MACROD2: variants seen among roughly 807,000 people sequenced by gnomAD.
The protein encoded by MACROD2 is ADP-ribose glycohydrolase MACROD2.
Under a neutral mutation model 70.4 loss-of-function variants are expected in MACROD2, and 36 were observed. That is an observed-to-expected ratio of 0.51 (90% CI 0.39 to 0.68). MACROD2 has a LOEUF of 0.68. Ranked by LOEUF, MACROD2 falls within the 30% of genes least tolerant of loss-of-function variation. The pLI is 0.00. For missense variants in MACROD2, 496 were observed against 538.4 expected (o/e 0.92, Z 0.78); for synonymous variants, 172 against 178.8 (o/e 0.96, Z 0.30).
At chr20:15,403,229 A>T (rs1400056382) in intron 6 of MACROD2, among the ~76,000 whole-genome samples, 1 of 152,150 alleles carries the variant, frequency 6.6e-6, no homozygotes, top group Non-Finnish European at 1.5e-5. Flanking sequence ...CAGCCTCCCA[A>T]AGTGCTGGGA....
At chr20:14,541,605 C>CACAA (rs2085433849) in intron 4 of MACROD2, among the ~76,000 whole-genome samples, 1 of 151,908 alleles carries the variant, frequency 6.6e-6, no homozygotes, top group South Asian at 2.1e-4. Context: ...ACATCACACA[C>CACAA]ACACACACAC....
intron 6 of MACROD2, among the ~76,000 whole-genome samples, chr20:15,426,880 G>T (rs751957595): frequency 1.7e-4 from 26 of 152,116 alleles, no homozygotes; most frequent in Non-Finnish European, 3.4e-4. Context: ...TTGAAATAAA[G>T]AAATCTCATG....
At chr20:15,845,158 C>A (rs73099246) in intron 8 of MACROD2, among the ~76,000 whole-genome samples, 1 of 151,886 alleles carries the variant, frequency 6.6e-6, no homozygotes, top group African/African-American at 2.4e-5. Flanking sequence ...GGAATAGAAC[C>A]TTTGCAGATA....
intron 4 of MACROD2, among the ~76,000 whole-genome samples, chr20:14,540,246 A>G (rs968449019): frequency 1.3e-5 from 2 of 152,080 alleles, no homozygotes; most frequent in Non-Finnish European, 2.9e-5. Flanking sequence ...CATGTCTGTG[A>G]CCTCAGTTAC....
chr20:14,258,986 AG>A (rs1257529097), intron 3 of MACROD2, among the ~76,000 whole-genome samples: 2 of 152,188 alleles, frequency 1.3e-5, no homozygotes, highest in Non-Finnish European at 2.9e-5. Context: ...TCTGTTACCC[AG>A]GCTGGAGTGC....
chr20:14,502,149 G>A (rs1165190858), intron 4 of MACROD2, among the ~76,000 whole-genome samples: 1 of 152,210 alleles, frequency 6.6e-6, no homozygotes, highest in Non-Finnish European at 1.5e-5. Flanking sequence ...TATGTTTTGG[G>A]ATGACTACAT....
At chr20:15,258,555 T>A (rs2859877) in intron 6 of MACROD2, among the ~76,000 whole-genome samples, 72,004 of 151,936 alleles carry the variant, frequency 0.47, 19,645 homozygotes, top group African/African-American at 0.74. Flanking sequence ...GCAATAGACT[T>A]TACCATACAG....
intron 3 of MACROD2, among the ~76,000 whole-genome samples, chr20:14,240,215 A>G (rs2081916584): frequency 6.6e-6 from 1 of 152,218 alleles, no homozygotes; most frequent in South Asian, 2.1e-4. Context: ...TGTAGAGTAA[A>G]GGGAATGCTT....
chr20:14,310,885 A>G (rs2090468639), intron 3 of MACROD2, among the ~76,000 whole-genome samples: 2 of 152,102 alleles, frequency 1.3e-5, no homozygotes, highest in South Asian at 4.2e-4. Context: ...AATAGAAAAA[A>G]ACTTATAGAC....
chr20:14,969,960 T>G (rs866515085), intron 5 of MACROD2, among the ~76,000 whole-genome samples: 64 of 152,090 alleles, frequency 4.2e-4, no homozygotes, highest in African/African-American at 1.5e-3. Context: ...CATATGATCC[T>G]TGTCCTCTTC....
At chr20:15,285,083 AAAGAATGACTACAAGT>A (rs2077478933) in intron 6 of MACROD2, among the ~76,000 whole-genome samples, 4 of 152,196 alleles carry the variant, frequency 2.6e-5, no homozygotes, top group Non-Finnish European at 5.9e-5. Flanking sequence ...GAAATAGGTA[AAAGAATGACTACAAGT>A]TCTTTCAATG....
intron 2 of MACROD2, among the ~76,000 whole-genome samples, chr20:14,037,659 G>A (rs1161360708): frequency 6.6e-6 from 1 of 152,062 alleles, no homozygotes; most frequent in African/African-American, 2.4e-5. Flanking sequence ...GGGGTAGTTA[G>A]TAACCATGGA....
intron 3 of MACROD2, among the ~76,000 whole-genome samples, chr20:14,262,174 G>A (rs889172685): frequency 6.6e-6 from 1 of 152,150 alleles, no homozygotes; most frequent in Admixed American, 6.5e-5. Flanking sequence ...GGAAAGTTAG[G>A]CAGAGGCTAA....
chr20:15,659,934 A>G (rs1305489683), intron 8 of MACROD2, among the ~76,000 whole-genome samples: 1 of 152,122 alleles, frequency 6.6e-6, no homozygotes, highest in Non-Finnish European at 1.5e-5. Context: ...CACTGCTGTC[A>G]TTAGAATTGC....
At chr20:14,390,939 G>A (rs945123057) in intron 3 of MACROD2, among the ~76,000 whole-genome samples, 1 of 152,168 alleles carries the variant, frequency 6.6e-6, no homozygotes, top group Non-Finnish European at 1.5e-5. Context: ...TCTCACACCA[G>A]TCAGAATGGC....
At chr20:15,780,883 G>A (rs1026046985) in intron 8 of MACROD2, among the ~76,000 whole-genome samples, 24 of 151,948 alleles carry the variant, frequency 1.6e-4, no homozygotes, top group African/African-American at 5.3e-4. Context: ...CTGAGTGTGT[G>A]GGTAGATGGT....
intron 6 of MACROD2, among the ~76,000 whole-genome samples, chr20:15,256,514 C>T (rs984863667): frequency 4.0e-5 from 6 of 150,774 alleles, no homozygotes; most frequent in Non-Finnish European, 8.9e-5. Flanking sequence ...ATCTAGTAGT[C>T]GGCAAATAAT....
intron 5 of MACROD2, among the ~76,000 whole-genome samples, chr20:14,853,637 C>T (rs997288340): frequency 1.3e-5 from 2 of 151,956 alleles, no homozygotes; most frequent in African/African-American, 4.8e-5. Context: ...TTTTTCTCCT[C>T]TTTTCATTAT....
chr20:15,226,644 T>C (rs117625453), intron 5 of MACROD2, among the ~76,000 whole-genome samples: 1,611 of 152,298 alleles, frequency 0.011, 8 homozygotes, highest in South Asian at 0.017. Context: ...TATTTTGATA[T>C]TAAAAAGAAT....
Sources: gnomAD v4.1 joint callset for allele counts (sites outside exome capture counted in the v4.1 genomes callset) on GRCh38, gnomAD v4.1.1 for gene constraint, MANE v1.5 for transcripts, NCBI Gene and HGNC (gene_info 2026-07-23, HGNC 2026-07-21) for gene names.